The following MEF2A variants were observed in gnomAD, a reference collection of about 807,000 sequenced individuals.
The protein encoded by MEF2A is myocyte-specific enhancer factor 2A.
Under a neutral mutation model 55.8 loss-of-function variants are expected in MEF2A, and 28 were observed. The observed-to-expected ratio is 0.50, with a 90% confidence interval of 0.37 to 0.69. The LOEUF (loss-of-function observed/expected upper bound fraction) is 0.69. Ranked by LOEUF, MEF2A falls within the 30% of genes least tolerant of loss-of-function variation. MEF2A has a pLI of 0.00. For missense variants in MEF2A, 528 were observed against 626.2 expected (o/e 0.84, Z 1.67); for synonymous variants, 239 against 227.1 (o/e 1.05, Z -0.47).
At chr15:99,625,054 T>C (rs1199958910) in intron 2 of MEF2A, among the ~76,000 whole-genome samples, 4 of 152,218 alleles carry the variant, frequency 2.6e-5, no homozygotes, top group Admixed American at 1.3e-4. Context: ...CTAATGTAAG[T>C]GTTCTGAGCA....
intron 2 of MEF2A, among the ~76,000 whole-genome samples, chr15:99,632,062 A>C (rs2043031722): frequency 6.6e-6 from 1 of 152,232 alleles, no homozygotes; most frequent in South Asian, 2.1e-4. Flanking sequence ...GGTTTTTAAA[A>C]TGACACAGCC....
At chr15:99,690,817 G>C (rs1025838751) in intron 8 of MEF2A, among the ~76,000 whole-genome samples, 1 of 152,096 alleles carries the variant, frequency 6.6e-6, no homozygotes, top group Non-Finnish European at 1.5e-5. Context: ...GTGGGAGACG[G>C]GATGAAGAGC....
rs1278244786 is a variant in MEF2A, at chr15:99,712,503, TCCAGCA to T, written c.1251_1256del (p.Phe417_Gln419delinsLeu). ...CGGGATCGTATGACCCCATCGGGCT[TCCAGCA>T]GCAGCAGCAGCAGCAGCAGCAGCAG... On this transcript the variant is annotated inframe_deletion, in exon 12 of 12. Coordinates refer to ENST00000557942, the MANE Select transcript of MEF2A (RefSeq NM_001319206.4). This position sits in a 1 kb window ranked among gnomAD's most constrained non-coding sequence, Gnocchi z 4.1. 1.3e-6 allele frequency: 2 copies of T among 1,527,650 alleles called. No homozygotes were observed. The highest frequency in any genetic ancestry group is 1.8e-6 in the Non-Finnish European group (2 of 1,136,598). 94.6% of individuals were successfully genotyped at this position (1,527,650 alleles called of 1,614,324 possible).
chr15:99,639,790 A>G (rs1054267399), intron 3 of MEF2A, among the ~76,000 whole-genome samples: 2 of 150,328 alleles, frequency 1.3e-5, no homozygotes, highest in African/African-American at 4.9e-5. Flanking sequence ...TTTAAATTTT[A>G]TTTTATTCTT....
At chr15:99,617,263 T>TG (rs1434576839) in intron 2 of MEF2A, among the ~76,000 whole-genome samples, 1 of 66,596 alleles carries the variant, frequency 1.5e-5, no homozygotes, top group Admixed American at 1.5e-4. Context: ...ATGTGTTTGG[T>TG]TTTTTTTTTT....
chr15:99,668,819 T>C (rs2050310330), intron 4 of MEF2A, among the ~76,000 whole-genome samples: 1 of 152,198 alleles, frequency 6.6e-6, no homozygotes, highest in African/African-American at 2.4e-5. Context: ...TCTACTGTTG[T>C]GCTATTTGGT....
intron 7 of MEF2A, among the ~76,000 whole-genome samples, chr15:99,688,532 C>T (rs913210591): frequency 3.3e-5 from 5 of 152,212 alleles, no homozygotes; most frequent in Non-Finnish European, 7.4e-5. Context: ...CCGAGGCGGG[C>T]AGATCATGAG....
chr15:99,679,573 CT>C (rs1180230253), intron 7 of MEF2A, among the ~76,000 whole-genome samples: 3 of 152,162 alleles, frequency 2.0e-5, no homozygotes, highest in Non-Finnish European at 4.4e-5. Flanking sequence ...CAAGAAATTA[CT>C]GTAAAATTCA....
chr15:99,602,524 C>G (rs1488503437), intron 2 of MEF2A, among the ~76,000 whole-genome samples: 1 of 152,140 alleles, frequency 6.6e-6, no homozygotes, highest in African/African-American at 2.4e-5. Context: ...CGGCTGATCA[C>G]CAGCTTCAGG....
chr15:99,690,735 G>A (rs902333500), intron 8 of MEF2A: 3 of 474,492 alleles, frequency 6.3e-6, no homozygotes, highest in Non-Finnish European at 1.2e-5. Flanking sequence ...TCTCACTCAT[G>A]TGGGACCTAA....
intron 2 of MEF2A, among the ~76,000 whole-genome samples, chr15:99,599,824 C>G (rs1172790826): frequency 1.3e-5 from 2 of 151,968 alleles, no homozygotes; most frequent in Admixed American, 1.3e-4. Context: ...GTGGATCAAC[C>G]AACTGTGGAT....
rs149536201 is a variant in MEF2A at position 99,625,327 on chromosome 15, A to G, written c.-142-7651A>G. On this transcript the variant is annotated intron_variant, in intron 2 of 11. Transcript: ENST00000557942. ...CTTTACTAAATTTATTAGTTCTACC[A>G]TTTCTTTTGTAGAATCTTTAAGAGT... 6.7e-3 allele frequency among the ~76,000 whole-genome samples: 1,025 copies of G among 152,206 alleles called. 10 individuals are homozygous for G. The highest frequency in any genetic ancestry group is 0.024 in the African/African-American group (977 of 41,542).
intron 2 of MEF2A, among the ~76,000 whole-genome samples, chr15:99,630,586 A>G (rs2042792632): frequency 6.6e-6 from 1 of 152,090 alleles, no homozygotes; most frequent in Non-Finnish European, 1.5e-5. Flanking sequence ...TTGACCGGTT[A>G]TATTTTGATT....
chr15:99,689,352 C>T (rs1356847046), intron 7 of MEF2A, among the ~76,000 whole-genome samples: 3 of 152,218 alleles, frequency 2.0e-5, no homozygotes, highest in African/African-American at 4.8e-5. Context: ...GTTCACTACT[C>T]AGAACTTAGT....
In MEF2A at chr15:99,581,365, C is replaced by T. The variant is rs145150641; in HGVS notation, c.-225+15261C>T. On this transcript the variant is annotated intron_variant, in intron 1 of 11. Transcript: ENST00000557942. ...TGGCTTTCAAATGTTTAGAGGCAGT[C>T]GGTCTCTATGCCCATGTGTCTGTCA... Among the ~76,000 whole-genome samples the T allele has an allele frequency of 2.2e-3, 329 of 151,880 alleles. 9 individuals carry two copies. In the East Asian group the frequency reaches 0.052, roughly 24 times the overall value.
In MEF2A at chr15:99,712,927, G is replaced by A. The variant is rs1236553685; in HGVS notation, c.*156G>A. ...TGTATGTGGGTGTGAGTGTGTATGT[G>A]TGGGTGTGTGTTACATACACAGAAT... On this transcript the variant is annotated 3_prime_UTR_variant, in exon 12 of 12. Transcript: ENST00000557942. The surrounding 1 kb of genome is among the most constrained non-coding windows in gnomAD (Gnocchi z 4.1). The A allele has an allele frequency of 9.9e-5, 67 of 677,244 alleles. No individual in the cohort carries two copies. Among genetic ancestry groups the A allele is most frequent in the Non-Finnish European group, 1.3e-4 (56 of 441,852 alleles). The allele number at this position is 677,244 out of a possible 1,614,324, so 42.0% of individuals were successfully genotyped here.
intron 1 of MEF2A, among the ~76,000 whole-genome samples, chr15:99,571,523 C>CA (rs1322447544): frequency 6.6e-6 from 1 of 152,112 alleles, no homozygotes; most frequent in Non-Finnish European, 1.5e-5. Flanking sequence ...CATTTTCAGC[C>CA]ATCACCTTTC....
intron 7 of MEF2A, among the ~76,000 whole-genome samples, chr15:99,688,792 T>G (rs987573114): frequency 2.0e-5 from 3 of 152,148 alleles, no homozygotes; most frequent in Non-Finnish European, 4.4e-5. Context: ...AATAAAATGC[T>G]TCCTCAGGCA....
rs1428966661 is a variant in MEF2A at position 99,582,526 on chromosome 15, G to A, written c.-224-15904G>A. Reference sequence around the variant, plus strand: ...CTAAGGTAATAGATGTATACACACTGCATTGAAGGCTTTTCTGCTTGTCTT... The same window carrying A: ...CTAAGGTAATAGATGTATACACACTACATTGAAGGCTTTTCTGCTTGTCTT... On this transcript the variant is annotated intron_variant, in intron 1 of 11. Coordinates refer to ENST00000557942, the MANE Select transcript of MEF2A (RefSeq NM_001319206.4). 2.0e-5 allele frequency among the ~76,000 whole-genome samples: 3 copies of A among 152,080 alleles called. No individual in the cohort carries two copies. The East Asian group carries it at 5.8e-4, about 29-fold the overall frequency.
Sources: allele counts gnomAD v4.1 joint callset (sites outside exome capture counted in the v4.1 genomes callset), GRCh38; gene constraint gnomAD v4.1.1; non-coding constraint Gnocchi (gnomAD v3.1); transcripts MANE v1.5; gene names NCBI Gene and HGNC (gene_info 2026-07-23, HGNC 2026-07-21).